The following TPD52 variants were observed in gnomAD, a reference collection of about 807,000 sequenced individuals.
TPD52 encodes the protein tumor protein D52, also known as prostate and colon associated protein.
In TPD52, 17 loss-of-function variants were observed where a neutral mutation model predicts 31.3. That is an observed-to-expected ratio of 0.54 (90% CI 0.37 to 0.82). TPD52 has a LOEUF of 0.82. Among genes scored for constraint, TPD52 ranks in the 40% least tolerant of loss-of-function variants. TPD52 has a pLI of 0.00. For missense variants in TPD52, 212 were observed against 240.1 expected (o/e 0.88, Z 0.77); for synonymous variants, 83 against 89.6 (o/e 0.93, Z 0.42).
intron 1 of TPD52, among the ~76,000 whole-genome samples, chr8:80,142,335 T>C (rs555455756): frequency 6.6e-6 from 1 of 152,352 alleles, no homozygotes; most frequent in Admixed American, 6.5e-5. Context: ...GAAGTGATCC[T>C]GTTGGACATT....
chr8:80,120,009 C>T lies in TPD52; in HGVS notation c.19+51416G>A, dbSNP rs150334237. On this transcript the variant is annotated intron_variant, in intron 1 of 7. Transcript: ENST00000518937. ...AACTCAAAAGTTACTAAGAGACTGA[C>T]AAATTTGACTATATACTATTAAAAC... 1.1e-3 allele frequency: 267 copies of T among 241,822 alleles called. 2 individuals are homozygous for T. The highest frequency in any genetic ancestry group is 5.9e-3 in the African/African-American group (252 of 43,020). The allele number at this position is 241,822 out of a possible 1,614,324, so 15.0% of individuals were successfully genotyped here.
downstream of TPD52, among the ~76,000 whole-genome samples, chr8:80,032,550 G>A (rs916930886): frequency 1.3e-5 from 2 of 152,134 alleles, no homozygotes; most frequent in Non-Finnish European, 2.9e-5. Context: ...AAAAAGCCAA[G>A]GAAAGTGAAC....
downstream of TPD52, among the ~76,000 whole-genome samples, chr8:80,031,660 C>G (rs1043116065): frequency 6.6e-6 from 1 of 151,872 alleles, no homozygotes; most frequent in Non-Finnish European, 1.5e-5. Flanking sequence ...GAGTCCGAGA[C>G]CAGCTTGGGC....
In TPD52 at chr8:80,037,176, T is replaced by C. The variant is rs1809965173; in HGVS notation, c.*940A>G. The stretch of plus-strand genomic sequence containing the variant: ...TATTAGTCATATAACTTGGTGTGCT[T>C]ATTTTAAATAGTGCTAAATGGATTA... On this transcript the variant is annotated 3_prime_UTR_variant, in exon 8 of 8. Transcript: ENST00000518937. 1 of 152,596 alleles carries C rather than the reference T, an allele frequency of 6.6e-6. No individual in the cohort carries two copies. The highest frequency in any genetic ancestry group is 2.1e-4 in the South Asian group (1 of 4,836). 9.5% of individuals were successfully genotyped at this position (152,596 alleles called of 1,614,324 possible).
At chr8:80,060,015 A>G (rs942171881) in intron 2 of TPD52, among the ~76,000 whole-genome samples, 2 of 151,508 alleles carry the variant, frequency 1.3e-5, no homozygotes, top group African/African-American at 4.9e-5. Context: ...CTGGAGGCAG[A>G]GGCTGCAGTG....
chr8:80,130,571 G>A (rs559657064), intron 1 of TPD52, among the ~76,000 whole-genome samples: 1 of 152,248 alleles, frequency 6.6e-6, no homozygotes, highest in East Asian at 1.9e-4. Context: ...GGAATTTTTA[G>A]TTAAATTGGA....
chr8:80,171,383 AGTCCAAGC>A lies in TPD52; in HGVS notation c.19+34_19+41del, dbSNP rs761125138. 79 of 1,592,058 alleles carry A rather than the reference AGTCCAAGC, an allele frequency of 5.0e-5. No homozygotes were observed. The African/African-American group carries it at 9.6e-4, about 19-fold the overall frequency. On this transcript the variant is annotated intron_variant, in intron 1 of 7. Coordinates refer to ENST00000518937, the MANE Select transcript of TPD52 (RefSeq NM_001025253.3). The stretch of plus-strand genomic sequence containing the variant: ...GAGCCAAAGCCCGAGTCCAAGCCCG[AGTCCAAGC>A]CCGAGCCCAAGCCCGCTGGGTCCGC...
intron 1 of TPD52, among the ~76,000 whole-genome samples, chr8:80,169,067 C>A (rs967488074): frequency 6.6e-6 from 1 of 152,218 alleles, no homozygotes. Flanking sequence ...TCACTGCAAC[C>A]TCTGCCTCCC....
At chr8:80,076,335 C>A (rs1386194423) in intron 1 of TPD52, among the ~76,000 whole-genome samples, 3 of 152,106 alleles carry the variant, frequency 2.0e-5, no homozygotes, top group Admixed American at 6.5e-5. Context: ...TAAAAAAGAA[C>A]AAGATCCTAT....
intron 1 of TPD52, among the ~76,000 whole-genome samples, chr8:80,121,997 T>C (rs1808292752): frequency 6.7e-6 from 1 of 148,342 alleles, no homozygotes; most frequent in South Asian, 2.2e-4. Context: ...ACTTCCCCTT[T>C]GCTTTGCTTA....
rs538731071 is a variant in TPD52 at position 80,133,683 on chromosome 8, C to A, written c.19+37742G>T. 2.6e-5 allele frequency among the ~76,000 whole-genome samples: 4 copies of A among 152,032 alleles called. No individual in the cohort carries two copies. In the East Asian group the frequency reaches 7.7e-4, roughly 29 times the overall value. On this transcript the variant is annotated intron_variant, in intron 1 of 7. Transcript: ENST00000518937. ...ACCTTAGGTCTAGACCACACCTGCT[C>A]CTCAATTCCAAATGGAGCCCTACAG...
At chr8:80,086,207 TC>T (rs1746144580) in intron 1 of TPD52, among the ~76,000 whole-genome samples, 1 of 136,520 alleles carries the variant, frequency 7.3e-6, no homozygotes, top group South Asian at 2.6e-4. Context: ...AACCTCCGCC[TC>T]CCCGGTTTAA....
intron 1 of TPD52, among the ~76,000 whole-genome samples, chr8:80,113,601 A>C (rs1563635874): frequency 6.6e-6 from 1 of 152,208 alleles, no homozygotes; most frequent in Non-Finnish European, 1.5e-5. Flanking sequence ...TGCTGCCATA[A>C]AAAAGAATGA....
rs1366933286 is a variant in TPD52 at position 80,051,631 on chromosome 8, A to G, written c.285-3T>C. On this transcript the variant is annotated splice_polypyrimidine_tract_variant and splice_region_variant and intron_variant, in intron 3 of 7. Transcript: ENST00000518937. ...AGGTTTCAGATGTCTTCTTGTAACT[A>G]TATTAAATTATAAACACACAGAGCA... is the stretch of plus-strand genomic sequence containing the variant. 1 of 1,586,776 alleles carries G rather than the reference A, an allele frequency of 6.3e-7. No individual in the cohort carries two copies. Among genetic ancestry groups the G allele is most frequent in the African/African-American group, 1.4e-5 (1 of 73,054 alleles).
chr8:80,146,335 TGA>T (rs1371660308), intron 1 of TPD52, among the ~76,000 whole-genome samples: 1 of 152,216 alleles, frequency 6.6e-6, no homozygotes, highest in Non-Finnish European at 1.5e-5. Context: ...AAAAAACAGT[TGA>T]CTATCACTGC....
chr8:80,146,694 A>G (rs1563660323), intron 1 of TPD52, among the ~76,000 whole-genome samples: 1 of 152,236 alleles, frequency 6.6e-6, no homozygotes, highest in Non-Finnish European at 1.5e-5. Flanking sequence ...AACAAAAAAT[A>G]CTGGAAAGAA....
intron 1 of TPD52, among the ~76,000 whole-genome samples, chr8:80,081,957 C>A (rs932195163): frequency 2.0e-5 from 3 of 152,124 alleles, no homozygotes; most frequent in Non-Finnish European, 4.4e-5. Context: ...GCACCCACCA[C>A]CCACTATGCC....
At position 80,104,855 on chromosome 8, in the gene TPD52, C is replaced by T. The variant is rs1292851808; in HGVS notation, c.20-40262G>A. ...GAGGCATATCACTTCAGCTCAGGAG[C>T]TCAAGACCAGCCTGGGCAACGTGGC... On this transcript the variant is annotated intron_variant, in intron 1 of 7. Coordinates refer to ENST00000518937, the MANE Select transcript of TPD52 (RefSeq NM_001025253.3). 4.0e-5 allele frequency among the ~76,000 whole-genome samples: 6 copies of T among 151,782 alleles called. No homozygotes were observed. In the East Asian group the frequency reaches 1.2e-3, roughly 29 times the overall value.
intron 1 of TPD52, among the ~76,000 whole-genome samples, chr8:80,109,317 G>A (rs990483351): frequency 6.6e-5 from 10 of 152,054 alleles, no homozygotes; most frequent in African/African-American, 1.7e-4. Context: ...GAACTTGTGC[G>A]GTCAATCACT....
Sources: allele counts gnomAD v4.1 joint callset (sites outside exome capture counted in the v4.1 genomes callset), GRCh38; gene constraint gnomAD v4.1.1; transcripts MANE v1.5; gene names NCBI Gene and HGNC (gene_info 2026-07-23, HGNC 2026-07-21).